SLFN12L: variants seen among roughly 807,000 people sequenced by gnomAD.
SLFN12L encodes the protein schlafen family member 12-like.
Under a neutral mutation model 34.8 loss-of-function variants are expected in SLFN12L, and 34 were observed. The ratio of observed to expected loss-of-function variants is 0.98; its 90% CI spans 0.74 to 1.30. The LOEUF is 1.30. Ranked by LOEUF, SLFN12L falls within the 50% of genes most tolerant of loss-of-function variation. The pLI is 0.00. For missense variants in SLFN12L, 703 were observed against 696.2 expected, an observed-to-expected ratio of 1.01 and a Z score of -0.11; for synonymous variants, 259 against 247.5, an observed-to-expected ratio of 1.05 and a Z score of -0.44.
chr17:35,525,719 A>G (rs921346063), intron 1 of SLFN12L, among the ~76,000 whole-genome samples: 2 of 152,348 alleles, frequency 1.3e-5, no homozygotes, highest in South Asian at 4.1e-4. Flanking sequence ...AGCACTAAAC[A>G]TGGAAAGGAA....
chr17:35,522,412 C>T lies in SLFN12L; in HGVS notation c.-48G>A. 2 of 1,614,126 alleles carry T rather than the reference C, an allele frequency of 1.2e-6. No individual in the cohort carries two copies. Among genetic ancestry groups the T allele is most frequent in the Non-Finnish European group, 8.5e-7 (1 of 1,180,014 alleles). On this transcript the variant is annotated 5_prime_UTR_variant, in exon 2 of 5. Coordinates refer to ENST00000628453, the MANE Select transcript of SLFN12L (RefSeq NM_001363830.2). ...TTTCCTAAGCCAGGTAAGCCATGGA[C>T]AAACAATTCTCTGTTCTTGTGGAAG...
intron 2 of SLFN12L, among the ~76,000 whole-genome samples, chr17:35,515,633 A>ATTTTTTTTTTTT (rs58481344): frequency 1.3e-5 from 1 of 78,112 alleles, no homozygotes. Context: ...ACGCCCGGCA[A>ATTTTTTTTTTTT]TTTTTTTTTT....
chr17:35,523,608 G>A (rs1184167855), intron 1 of SLFN12L, among the ~76,000 whole-genome samples: 2 of 152,112 alleles, frequency 1.3e-5, no homozygotes, highest in African/African-American at 2.4e-5. Flanking sequence ...GAACAATTAC[G>A]TGACATGAGA....
chr17:35,501,461 C>CCTGGCTTGGATTTCTTGATACTTT (rs1915293619), intron 2 of SLFN12L, among the ~76,000 whole-genome samples: 1 of 152,112 alleles, frequency 6.6e-6, no homozygotes, highest in Non-Finnish European at 1.5e-5. Flanking sequence ...CTTGATACTT[C>CCTGGCTTGGATTTCTTGATACTTT]GGTTTTGGTT....
At chr17:35,495,508 C>T (rs1367293475) in intron 2 of SLFN12L, among the ~76,000 whole-genome samples, 1 of 152,208 alleles carries the variant, frequency 6.6e-6, no homozygotes, top group Admixed American at 6.5e-5. Context: ...TGGTCTCCGG[C>T]CCAGTTTGTG....
chr17:35,480,434 T>C (rs1914284746), intron 2 of SLFN12L: 3 of 391,804 alleles, frequency 7.7e-6, no homozygotes, highest in South Asian at 9.7e-5. Flanking sequence ...ATTTTAATCT[T>C]GTCTTTATGT....
chr17:35,490,996 A>G, intron 2 of SLFN12L: 1 of 788,228 alleles, frequency 1.3e-6, no homozygotes, highest in South Asian at 1.3e-5. Context: ...TTTCTATGGG[A>G]AACCTTTCTC....
At position 35,466,087 on chromosome 17, in the gene SLFN12L, C is replaced by T. The variant is rs1046937282; in HGVS notation, c.*8836G>A. 1.1e-4 allele frequency among the ~76,000 whole-genome samples: 16 copies of T among 152,094 alleles called. No individual in the cohort carries two copies. The highest frequency in any genetic ancestry group is 3.9e-4 in the African/African-American group (16 of 41,396). ...TGCCCGCACTCATGCATAGCCTCCCCCATTAGCAACATCTCCCATTAGTGT... is the reference window on the plus strand; with the variant it reads ...TGCCCGCACTCATGCATAGCCTCCCTCATTAGCAACATCTCCCATTAGTGT... On this transcript the variant is annotated 3_prime_UTR_variant, in exon 5 of 5. Transcript: ENST00000628453.
At position 35,468,696 on chromosome 17, in the gene SLFN12L, T is replaced by C. The variant is rs1390474973; in HGVS notation, c.*6227A>G. On this transcript the variant is annotated 3_prime_UTR_variant, in exon 5 of 5. Coordinates refer to ENST00000628453, the MANE Select transcript of SLFN12L (RefSeq NM_001363830.2). ...CTCCTATGCCTGAAGGAAAATTTAA[T>C]AGTAGTTACCACTACCTACGTCATT... Among the ~76,000 whole-genome samples, 1 of 152,216 alleles carries C rather than the reference T, an allele frequency of 6.6e-6. No homozygotes were observed. The highest frequency in any genetic ancestry group is 6.5e-5 in the Admixed American group (1 of 15,282).
chr17:35,498,561 G>C lies in SLFN12L; in HGVS notation c.87-18366C>G, dbSNP rs574127075. On this transcript the variant is annotated intron_variant, in intron 2 of 4. Coordinates refer to ENST00000628453, the MANE Select transcript of SLFN12L (RefSeq NM_001363830.2). ...GGTCCAGAACAGTCCAAAAAGTACA[G>C]TGGAAAGTTTTTACAGCCGCTTCCA... 2.2e-5 allele frequency: 32 copies of C among 1,479,518 alleles called. No homozygotes were observed. In the South Asian group the frequency reaches 3.5e-4, roughly 16 times the overall value. The allele number at this position is 1,479,518 out of a possible 1,614,324, so 91.6% of individuals were successfully genotyped here.
chr17:35,517,089 C>G (rs1915851354), intron 2 of SLFN12L, among the ~76,000 whole-genome samples: 1 of 152,158 alleles, frequency 6.6e-6, no homozygotes, highest in Non-Finnish European at 1.5e-5. Flanking sequence ...CCGCAAAAGC[C>G]AGAATAGTCA....
intron 2 of SLFN12L, among the ~76,000 whole-genome samples, chr17:35,487,456 C>G (rs538361973): frequency 6.6e-6 from 1 of 151,756 alleles, no homozygotes; most frequent in East Asian, 2.0e-4. Flanking sequence ...CACCTCGTCC[C>G]GGAGCCCACG....
chr17:35,513,406 T>C (rs948220181), intron 2 of SLFN12L, among the ~76,000 whole-genome samples: 1 of 152,232 alleles, frequency 6.6e-6, no homozygotes. Flanking sequence ...AAAAAGAGTT[T>C]GTAAGTAAAC....
rs9910931 is a variant in SLFN12L at position 35,469,327 on chromosome 17, A to C, written c.*5596T>G. ...AAAATATATATATATTATATATATA[A>C]ATATATATATAATATATATATATAT... On this transcript the variant is annotated 3_prime_UTR_variant, in exon 5 of 5. Transcript: ENST00000628453. 9.9e-6 allele frequency among the ~76,000 whole-genome samples: 1 copy of C among 100,848 alleles called. No homozygotes were observed. The highest frequency in any genetic ancestry group is 3.9e-5 in the African/African-American group (1 of 25,924). The allele number at this position is 100,848 out of a possible 152,430, so 66.2% of individuals were successfully genotyped here.
chr17:35,514,662 T>C, intron 2 of SLFN12L: 1 of 318,320 alleles, frequency 3.1e-6, no homozygotes, highest in Non-Finnish European at 6.1e-6. Flanking sequence ...TAGATTTCAA[T>C]GTAGAATAGT....
Position 35,474,970 on chromosome 17 carries a change from G to A in SLFN12L, c.1792C>T (p.Arg598Cys), listed in dbSNP as rs966521488. Residue 598 changes from arginine to cysteine, a missense_variant, in exon 5 of 5, where the codon CGT (arginine) becomes TGT (cysteine). Physicochemically the swap from Arg to Cys is radical, Grantham distance 180. Transcript: ENST00000628453. ...NQIFLFVCLF[R>C]FCLFVCWFVC... ...AACCAACAAACAAACAAACAAAAAC[G>A]AAACAAACAAACAAACAAAAAGATT... 153 of 1,553,148 alleles carry A rather than the reference G, an allele frequency of 9.9e-5. No homozygotes were observed. Among genetic ancestry groups the A allele is most frequent in the African/African-American group, 4.5e-4 (33 of 72,778 alleles).
At chr17:35,495,496 C>T (rs1597852339) in intron 2 of SLFN12L, among the ~76,000 whole-genome samples, 1 of 152,202 alleles carries the variant, frequency 6.6e-6, no homozygotes, top group East Asian at 1.9e-4. Flanking sequence ...TGGCGGCAGC[C>T]GTGGTCTCCG....
At chr17:35,518,150 A>G (rs1915889398) in intron 2 of SLFN12L, among the ~76,000 whole-genome samples, 1 of 152,224 alleles carries the variant, frequency 6.6e-6, no homozygotes, top group Non-Finnish European at 1.5e-5. Flanking sequence ...ACCATCTGAC[A>G]AAGGTCTAAT....
intron 1 of SLFN12L, among the ~76,000 whole-genome samples, chr17:35,533,745 T>C (rs546506457): frequency 4.6e-5 from 7 of 152,298 alleles, no homozygotes; most frequent in Non-Finnish European, 8.8e-5. Context: ...CTGTGCATTG[T>C]CTGGTAAGCC....
Sources: gnomAD v4.1 joint callset for allele counts (sites outside exome capture counted in the v4.1 genomes callset) on GRCh38, gnomAD v4.1.1 for gene constraint, MANE v1.5 for transcripts, NCBI Gene and HGNC (gene_info 2026-07-23, HGNC 2026-07-21) for gene names.